AGAP3: variants seen among roughly 807,000 people sequenced by gnomAD.
The protein encoded by AGAP3 is ArfGAP with GTPase domain, ankyrin repeat and PH domain 3.
A neutral mutation model predicts 96.9 loss-of-function variants in AGAP3; 24 were observed. That is an observed-to-expected ratio of 0.25 (90% CI 0.18 to 0.35). The LOEUF is 0.35. AGAP3 is among the 10% of genes least tolerant of loss of function. AGAP3 has a pLI of 1.00. For synonymous variants in AGAP3, 563 were observed against 536.1 expected (o/e 1.05, Z -0.69); for missense variants, 876 against 1,254.2 (o/e 0.70, Z 4.55).
In AGAP3 at chr7:151,141,748, G is replaced by T. The variant is rs992931327; in HGVS notation, c.1805-150G>T. On this transcript the variant is annotated intron_variant, in intron 13 of 17. Transcript: ENST00000397238. The surrounding 1 kb of genome is among the most constrained non-coding windows in gnomAD (Gnocchi z 4.2). ...TTACTCTGGCCTCCCCCTGCAAGCT[G>T]TCCTGGAGTGTGTGGCCTTGCAGCT... is the stretch of plus-strand genomic sequence containing the variant. 7.4e-6 allele frequency: 7 copies of T among 942,794 alleles called. No homozygotes were observed. Among genetic ancestry groups the T allele is most frequent in the Non-Finnish European group, 8.3e-6 (5 of 606,004 alleles). The allele number at this position is 942,794 out of a possible 1,614,324, so 58.4% of individuals were successfully genotyped here.
At chr7:151,138,432 TG>T (rs2150530115) in intron 12 of AGAP3, 119 bp downstream of exon 12, 1 of 1,234,370 alleles carries the variant, frequency 8.1e-7, no homozygotes, top group African/African-American at 1.5e-5. Context: ...GGCCAAGGGG[TG>T]GGGCCCAGCT....
chr7:151,114,866 C>G lies in AGAP3; in HGVS notation c.332-1927C>G, dbSNP rs1360995353. The G allele has an allele frequency of 2.9e-6, 3 of 1,018,540 alleles. No homozygotes were observed. The highest frequency in any genetic ancestry group is 3.5e-6 in the Non-Finnish European group (3 of 854,400). 63.1% of individuals were successfully genotyped at this position (1,018,540 alleles called of 1,614,324 possible). A position where few individuals can be genotyped will look rare whatever the true frequency, so the allele number is the denominator to read the frequency against. On this transcript the variant is annotated intron_variant, in intron 1 of 17. Transcript: ENST00000397238. The surrounding 1 kb of genome is among the most constrained non-coding windows in gnomAD (Gnocchi z 4.4). The stretch of plus-strand genomic sequence containing the variant: ...GCGTCTGCGACTCGCTGGACCTGCA[C>G]GGCGCCTCGGCCGGCCGCGCTGCCG...
At chr7:151,095,942 G>A (rs559223039) in intron 1 of AGAP3, among the ~76,000 whole-genome samples, 1 of 152,236 alleles carries the variant, frequency 6.6e-6, no homozygotes, top group South Asian at 2.1e-4. Context: ...AAGCACCTGG[G>A]CTCTGGAGCC....
At chr7:151,112,003 C>T (rs1799309759) in intron 1 of AGAP3, among the ~76,000 whole-genome samples, 1 of 152,200 alleles carries the variant, frequency 6.6e-6, no homozygotes, top group African/African-American at 2.4e-5. Flanking sequence ...TCGAGCACAG[C>T]TGTGTTTGCT....
At chr7:151,105,097 T>C (rs1302846277) in intron 1 of AGAP3, among the ~76,000 whole-genome samples, 1 of 152,216 alleles carries the variant, frequency 6.6e-6, no homozygotes, top group Non-Finnish European at 1.5e-5. Context: ...GTGAATGTTT[T>C]CTTACCCTGA....
intron 10 of AGAP3, 44 bp downstream of exon 10, chr7:151,128,728 G>T (rs1275223770): frequency 2.0e-6 from 3 of 1,509,642 alleles, no homozygotes; most frequent in East Asian, 2.3e-5. Flanking sequence ...ATGGGGAGGG[G>T]GTGGAGGGAG....
rs761330590 is a variant in AGAP3, at chr7:151,108,141, TGGCCAGATGGGACAAAGCCAGGA to T, written c.332-8640_332-8618del. On this transcript the variant is annotated intron_variant, in intron 1 of 17. Coordinates refer to ENST00000397238, the MANE Select transcript of AGAP3 (RefSeq NM_031946.7). The surrounding 1 kb of genome is among the most constrained non-coding windows in gnomAD (Gnocchi z 4.2). ...CGGGCACTTCCAGGGTCTTAGAACA[TGGCCAGATGGGACAAAGCCAGGA>T]GGCCAGATGGGGGACATGCTAAGGG... 8.5e-5 allele frequency among the ~76,000 whole-genome samples: 13 copies of T among 152,188 alleles called. No individual in the cohort carries two copies. The highest frequency in any genetic ancestry group is 1.3e-4 in the Non-Finnish European group (9 of 68,032).
In AGAP3 at chr7:151,141,808, A is replaced by AAGGGTCTAGGG; in HGVS notation, c.1805-90_1805-89insAGGGTCTAGGG. On this transcript the variant is annotated intron_variant, in intron 13 of 17. Transcript: ENST00000397238. This position sits in a 1 kb window ranked among gnomAD's most constrained non-coding sequence, Gnocchi z 4.2. Reference sequence around the variant, plus strand: ...TCTAGGGGAGGACACTTGCCAGTGGAGCAGGGTAGTGAGTGGAGTTGTGGC... The same window carrying AAGGGTCTAGGG: ...TCTAGGGGAGGACACTTGCCAGTGGAAGGGTCTAGGGGCAGGGTAGTGAGTGGAGTTGTGGC... 1 of 1,549,700 alleles carries AAGGGTCTAGGG rather than the reference A, an allele frequency of 6.5e-7. No individual in the cohort carries two copies. Among genetic ancestry groups the AAGGGTCTAGGG allele is most frequent in the Non-Finnish European group, 8.9e-7 (1 of 1,123,962 alleles).
chr7:151,122,143 T>C (rs1214210589), intron 8 of AGAP3, among the ~76,000 whole-genome samples: 1 of 152,112 alleles, frequency 6.6e-6, no homozygotes, highest in Non-Finnish European at 1.5e-5. Flanking sequence ...CCAAACCGGC[T>C]CTTCTGTCTG....
rs932293056 is a variant in AGAP3, at chr7:151,139,269, A to G, written c.1667-710A>G. On this transcript the variant is annotated intron_variant, in intron 12 of 17. Coordinates refer to ENST00000397238, the MANE Select transcript of AGAP3 (RefSeq NM_031946.7). The surrounding 1 kb of genome is among the most constrained non-coding windows in gnomAD (Gnocchi z 4.9). Reference sequence around the variant, plus strand: ...TCTGAGCTGCCATGGCCTCAGGAGCACGGGCTGAGGGAGGAGCTGGGCGGT... The same window carrying G: ...TCTGAGCTGCCATGGCCTCAGGAGCGCGGGCTGAGGGAGGAGCTGGGCGGT... 6.6e-6 allele frequency among the ~76,000 whole-genome samples: 1 copy of G among 152,196 alleles called. No individual in the cohort carries two copies. Among genetic ancestry groups the G allele is most frequent in the Non-Finnish European group, 1.5e-5 (1 of 68,032 alleles).
intron 1 of AGAP3, among the ~76,000 whole-genome samples, chr7:151,092,469 G>C (rs6464127): frequency 0.27 from 41,040 of 152,146 alleles, 5,947 homozygotes; most frequent in Admixed American, 0.4. Context: ...AGTGGTAAGG[G>C]AGCTTATTTT....
intron 11 of AGAP3, 135 bp downstream of exon 11, chr7:151,134,703 C>A: frequency 1.1e-6 from 1 of 924,088 alleles, no homozygotes; most frequent in Non-Finnish European, 1.6e-6. Flanking sequence ...TCATCTCAGC[C>A]AAAGACATGT....
At position 151,120,122 on chromosome 7, in the gene AGAP3, A is replaced by G; in HGVS notation, c.1105A>G (p.Lys369Glu). 6.2e-7 allele frequency: 1 copy of G among 1,612,020 alleles called. No homozygotes were observed. Among genetic ancestry groups the G allele is most frequent in the Non-Finnish European group, 8.5e-7 (1 of 1,178,998 alleles). ...STPTPIRKQS[K>E]RRSNIFTSRK... ...CCCCACACCCATCCGAAAGCAGTCC[A>G]AGCGGCGCTCCAACATCTTCACGGT... is the stretch of plus-strand genomic sequence containing the variant. The change falls in exon 8 of 18, where the codon AAG (lysine) becomes GAG (glutamate). Residue 369 changes from lysine to glutamate, a missense_variant. This residue lies in a region of AGAP3 where 100 missense variants were observed against 129.4 expected (regional missense o/e 0.77). Coordinates refer to ENST00000397238, the MANE Select transcript of AGAP3 (RefSeq NM_031946.7).
intron 1 of AGAP3, among the ~76,000 whole-genome samples, chr7:151,112,745 C>T (rs1799350370): frequency 1.3e-5 from 2 of 152,058 alleles, no homozygotes; most frequent in African/African-American, 2.4e-5. Context: ...ACCACAGGCT[C>T]GTGCCACCAT....
chr7:151,131,511 C>T (rs557660002), intron 10 of AGAP3, among the ~76,000 whole-genome samples: 12 of 152,330 alleles, frequency 7.9e-5, no homozygotes, highest in Admixed American at 5.9e-4. Context: ...CCATGCTCCC[C>T]GTTCTGCTGA....
chr7:151,122,586 TCTCCTC>T (rs560039891), intron 8 of AGAP3: 27 of 910,586 alleles, frequency 3.0e-5, no homozygotes, highest in African/African-American at 1.2e-4. Flanking sequence ...TCCTCGTCCT[TCTCCTC>T]CTCCTCCTCC....
chr7:151,129,880 G>A (rs1458497783), intron 10 of AGAP3, among the ~76,000 whole-genome samples: 1 of 152,230 alleles, frequency 6.6e-6, no homozygotes, highest in Non-Finnish European at 1.5e-5. Flanking sequence ...TAAAGGAAGG[G>A]CCGGAAGACA....
At chr7:151,120,582 C>A in intron 8 of AGAP3, 1 of 1,273,764 alleles carries the variant, frequency 7.9e-7, no homozygotes, top group Non-Finnish European at 1.0e-6. Context: ...GCTGGCCCAG[C>A]TAGAGTCAGA....
chr7:151,118,667 C>T lies in AGAP3; in HGVS notation c.969+35C>T. On this transcript the variant is annotated intron_variant, in intron 7 of 17. Coordinates refer to ENST00000397238, the MANE Select transcript of AGAP3 (RefSeq NM_031946.7). The surrounding 1 kb of genome is among the most constrained non-coding windows in gnomAD (Gnocchi z 6.1). ...GTGCCCCGCCCTGCCCTTCCTGTCC[C>T]CACCATGTCTGTCTTGCCTCTGTGC... 1 of 1,603,166 alleles carries T rather than the reference C, an allele frequency of 6.2e-7. No individual in the cohort carries two copies. Among genetic ancestry groups the T allele is most frequent in the Non-Finnish European group, 8.5e-7 (1 of 1,176,222 alleles).
Sources: allele counts gnomAD v4.1 joint callset (sites outside exome capture counted in the v4.1 genomes callset), GRCh38; gene constraint gnomAD v4.1.1; regional missense constraint gnomAD v4.1.1; non-coding constraint Gnocchi (gnomAD v3.1); transcripts MANE v1.5; gene names NCBI Gene and HGNC (gene_info 2026-07-23, HGNC 2026-07-21).